The following SLC9A9 variants were observed in gnomAD, a reference collection of about 807,000 sequenced individuals.
SLC9A9 encodes sodium/hydrogen exchanger 9.
SLC9A9 carries 62 observed loss-of-function variants against 77.8 expected under a neutral mutation model. The ratio of observed to expected loss-of-function variants is 0.80; its 90% confidence interval spans 0.65 to 0.98. The LOEUF (loss-of-function observed/expected upper bound fraction) is 0.98, where lower values mean the gene tolerates loss of function less well. Among genes scored for constraint, SLC9A9 ranks in the 50% least tolerant of loss-of-function variants. The probability of loss-of-function intolerance (pLI) is 0.00; values close to 1 mark genes in which losing one functional copy is unlikely to be tolerated. For synonymous variants in SLC9A9, 320 were observed against 283.5 expected (o/e 1.13, Z -1.29); for missense variants, 775 against 774.9 (o/e 1.00, Z 0.00).
rs139308088 is a variant in SLC9A9, at chr3:143,578,627, G to T, written c.852C>A (p.Gly284=). The part of the protein sequence containing the change: ...SVGNFLGIFA[G]SFAMGSAYAI... The stretch of plus-strand genomic sequence containing the variant: ...CATACGCAGACCCCATTGCAAATGA[G>T]CCAGCGAAGATTCCCAGGAAATTCC... The change falls in exon 7 of 16, where the codon GGC becomes GGA. Residue 284 remains glycine (G), a synonymous_variant. Transcript: ENST00000316549. 6.2e-7 allele frequency: 1 copy of T among 1,614,096 alleles called. No homozygotes were observed. Among genetic ancestry groups the T allele is most frequent in the Non-Finnish European group, 8.5e-7 (1 of 1,179,960 alleles).
At chr3:143,676,742 A>G (rs1222157098) in intron 5 of SLC9A9, among the ~76,000 whole-genome samples, 2 of 152,142 alleles carry the variant, frequency 1.3e-5, no homozygotes, top group African/African-American at 4.8e-5. Flanking sequence ...TCTCAAACAA[A>G]CAAACAAACA....
intron 6 of SLC9A9, among the ~76,000 whole-genome samples, chr3:143,634,828 G>T (rs1197871507): frequency 1.3e-5 from 2 of 151,984 alleles, no homozygotes; most frequent in Non-Finnish European, 2.9e-5. Flanking sequence ...TTACTTTGCA[G>T]TTTTAATGAA....
chr3:143,309,835 A>T (rs1325530021), intron 14 of SLC9A9, among the ~76,000 whole-genome samples: 2 of 152,062 alleles, frequency 1.3e-5, no homozygotes, highest in Non-Finnish European at 2.9e-5. Flanking sequence ...GGTGGTTGGA[A>T]ATTTTGAGCT....
chr3:143,822,375 C>G (rs1233892309), intron 2 of SLC9A9, among the ~76,000 whole-genome samples: 1 of 152,218 alleles, frequency 6.6e-6, no homozygotes, highest in Non-Finnish European at 1.5e-5. Flanking sequence ...GCAGGACATT[C>G]TTGCTCCACA....
At chr3:143,595,892 CTTG>C (rs1485792161) in intron 6 of SLC9A9, among the ~76,000 whole-genome samples, 4 of 152,254 alleles carry the variant, frequency 2.6e-5, no homozygotes, top group African/African-American at 9.6e-5. Context: ...GGACCTACTC[CTTG>C]TTGTACAATA....
intron 14 of SLC9A9, 34 bp downstream of exon 14, chr3:143,363,450 C>T (rs773089686): frequency 1.9e-6 from 3 of 1,588,982 alleles, no homozygotes; most frequent in Non-Finnish European, 2.6e-6. Flanking sequence ...CTGCCTGCAG[C>T]AGGATCTGTG....
At chr3:143,741,073 A>T (rs1158534361) in intron 4 of SLC9A9, among the ~76,000 whole-genome samples, 1 of 152,232 alleles carries the variant, frequency 6.6e-6, no homozygotes, top group African/African-American at 2.4e-5. Context: ...TATGCACATT[A>T]GTATACACAC....
At chr3:143,804,337 T>G (rs113066583) in intron 2 of SLC9A9, among the ~76,000 whole-genome samples, 5,793 of 152,212 alleles carry the variant, frequency 0.038, 180 homozygotes, top group African/African-American at 0.084. Context: ...CTCTTCTTGT[T>G]TACTTACCCC....
At chr3:143,275,902 G>C (rs1938032849) in intron 14 of SLC9A9, among the ~76,000 whole-genome samples, 1 of 152,122 alleles carries the variant, frequency 6.6e-6, no homozygotes, top group Non-Finnish European at 1.5e-5. Context: ...TTTCCTAAGA[G>C]AATGAGGCAG....
intron 9 of SLC9A9, among the ~76,000 whole-genome samples, chr3:143,549,962 G>C (rs1339256783): frequency 1.3e-5 from 2 of 152,150 alleles, no homozygotes; most frequent in African/African-American, 4.8e-5. Flanking sequence ...CTGGATATTG[G>C]TATCAGTTTT....
chr3:143,458,744 TA>T, intron 12 of SLC9A9, among the ~76,000 whole-genome samples: 1 of 152,072 alleles, frequency 6.6e-6, no homozygotes, highest in East Asian at 1.9e-4. Flanking sequence ...GAGAACCCCA[TA>T]AGACAATGTT....
chr3:143,517,393 G>T (rs1334104015), intron 9 of SLC9A9: 2 of 1,487,956 alleles, frequency 1.3e-6, no homozygotes, highest in African/African-American at 1.4e-5. Context: ...CTGGAAAAGA[G>T]CCATACTGTG....
At chr3:143,417,198 TCTA>T (rs1462511683) in intron 12 of SLC9A9, among the ~76,000 whole-genome samples, 5 of 152,134 alleles carry the variant, frequency 3.3e-5, no homozygotes, top group African/African-American at 1.2e-4. Flanking sequence ...GGGCGAGTCT[TCTA>T]CTAGTTTGGG....
chr3:143,674,045 C>T (rs2039199568), intron 5 of SLC9A9, among the ~76,000 whole-genome samples: 1 of 152,016 alleles, frequency 6.6e-6, no homozygotes, highest in Admixed American at 6.6e-5. Flanking sequence ...CAATAAAGTG[C>T]CTGAGAAGAA....
intron 4 of SLC9A9, among the ~76,000 whole-genome samples, chr3:143,730,296 C>A (rs1048746924): frequency 6.6e-6 from 1 of 152,192 alleles, no homozygotes; most frequent in African/African-American, 2.4e-5. Context: ...TTCCTCAAAC[C>A]CAACTTCTCC....
At chr3:143,531,176 C>A (rs1326461223) in intron 9 of SLC9A9, among the ~76,000 whole-genome samples, 1 of 152,152 alleles carries the variant, frequency 6.6e-6, no homozygotes, top group Admixed American at 6.5e-5. Flanking sequence ...CTATCATTAT[C>A]CCCATTTATG....
At chr3:143,711,379 A>G (rs773796543) in intron 4 of SLC9A9, among the ~76,000 whole-genome samples, 4 of 152,146 alleles carry the variant, frequency 2.6e-5, no homozygotes, top group Non-Finnish European at 4.4e-5. Flanking sequence ...GCTTTAAAGA[A>G]CAATAGAAGG....
chr3:143,389,688 G>C (rs1207132807), intron 12 of SLC9A9, among the ~76,000 whole-genome samples: 1 of 152,148 alleles, frequency 6.6e-6, no homozygotes, highest in Non-Finnish European at 1.5e-5. Context: ...TCAGAGTTTT[G>C]TCTAGTTGCT....
At chr3:143,344,791 C>T (rs1211063549) in intron 14 of SLC9A9, among the ~76,000 whole-genome samples, 1 of 152,030 alleles carries the variant, frequency 6.6e-6, no homozygotes, top group African/African-American at 2.4e-5. Context: ...AAAGACTTGA[C>T]CCTGTGCAGT....
Sources: gnomAD v4.1 joint callset for allele counts (sites outside exome capture counted in the v4.1 genomes callset) on GRCh38, gnomAD v4.1.1 for gene constraint, MANE v1.5 for transcripts, NCBI Gene and HGNC (gene_info 2026-07-23, HGNC 2026-07-21) for gene names.